Variants in SOX6 observed in about 807,000 individuals in gnomAD.
The protein encoded by SOX6 is SRY-box transcription factor 6.
A neutral mutation model predicts 97.8 loss-of-function variants in SOX6; 11 were observed. The observed-to-expected ratio is 0.11, with a 90% CI of 0.07 to 0.19. The LOEUF is 0.19. SOX6 is among the 10% of genes least tolerant of loss of function. The pLI is 1.00. For missense variants in SOX6, 810 were observed against 1,039.5 expected, an observed-to-expected ratio of 0.78 and a Z score of 3.04; for synonymous variants, 360 against 371.4, an observed-to-expected ratio of 0.97 and a Z score of 0.35.
Position 16,624,218 on chromosome 11 carries a change from T to G in SOX6, n.430-11958A>C, listed in dbSNP as rs139146604. Among the ~76,000 whole-genome samples, 41 of 152,116 alleles carry G rather than the reference T, an allele frequency of 2.7e-4. 1 individual carries two copies. The East Asian group carries it at 7.2e-3, about 27-fold the overall frequency. On this transcript the variant is annotated intron_variant and non_coding_transcript_variant, in intron 3 of 5. Coordinates refer to the SOX6 transcript ENST00000524520. ...TTTATTTATTTATTGAGATGGAGTCTTGCTCTGTTGCCAGGCTGGAGTGCA... is the reference window on the plus strand; with the variant it reads ...TTTATTTATTTATTGAGATGGAGTCGTGCTCTGTTGCCAGGCTGGAGTGCA...
chr11:16,688,613 G>T (rs1346205244), intron 3 of SOX6, among the ~76,000 whole-genome samples: 2 of 152,056 alleles, frequency 1.3e-5, no homozygotes, highest in Non-Finnish European at 2.9e-5. Context: ...CTAACGGTTT[G>T]ATTTGTATCG....
chr11:16,235,494 T>A (rs1393430633), intron 3 of SOX6, among the ~76,000 whole-genome samples: 1 of 152,072 alleles, frequency 6.6e-6, no homozygotes, highest in Non-Finnish European at 1.5e-5. Context: ...TACCACTATT[T>A]ATTTGTATCT....
At chr11:16,624,141 T>C (rs969043882) in intron 3 of SOX6, among the ~76,000 whole-genome samples, 1 of 152,006 alleles carries the variant, frequency 6.6e-6, no homozygotes, top group South Asian at 2.1e-4. Flanking sequence ...TTGAATTTCA[T>C]CCATGCTGTC....
intron 1 of SOX6, among the ~76,000 whole-genome samples, chr11:16,452,298 C>A (rs1001546922): frequency 6.6e-6 from 1 of 151,994 alleles, no homozygotes; most frequent in Non-Finnish European, 1.5e-5. Context: ...GGGGAGGCAG[C>A]CTTTGTTCTT....
chr11:16,401,703 G>C (rs1858563192), intron 1 of SOX6, among the ~76,000 whole-genome samples: 1 of 151,440 alleles, frequency 6.6e-6, no homozygotes, highest in Non-Finnish European at 1.5e-5. Context: ...TTAAGTCTAT[G>C]AGGTATCTAT....
At chr11:16,281,183 C>T (rs968819866) in intron 3 of SOX6, among the ~76,000 whole-genome samples, 6 of 151,958 alleles carry the variant, frequency 3.9e-5, no homozygotes, top group Non-Finnish European at 5.9e-5. Flanking sequence ...AGAATAAACC[C>T]CTTTAAAAAA....
At chr11:16,646,592 A>T (rs1849018593) in intron 3 of SOX6, among the ~76,000 whole-genome samples, 1 of 151,560 alleles carries the variant, frequency 6.6e-6, no homozygotes, top group African/African-American at 2.4e-5. Flanking sequence ...TATACACTGA[A>T]CCCAATTTGT....
chr11:16,319,002 G>T (rs1260114546), intron 2 of SOX6, among the ~76,000 whole-genome samples: 1 of 152,122 alleles, frequency 6.6e-6, no homozygotes, highest in African/African-American at 2.4e-5. Context: ...CAGATTCAAT[G>T]ACTAATTATT....
At chr11:16,132,404 AG>A (rs1232562085) in intron 6 of SOX6, among the ~76,000 whole-genome samples, 2 of 54,040 alleles carry the variant, frequency 3.7e-5, no homozygotes, top group African/African-American at 1.5e-4. Context: ...GAAAGAAAAA[AG>A]AAAGAAAGAA....
At chr11:16,246,461 A>G (rs1853337480) in intron 3 of SOX6, among the ~76,000 whole-genome samples, 1 of 151,554 alleles carries the variant, frequency 6.6e-6, no homozygotes, top group Non-Finnish European at 1.5e-5. Context: ...CTGAACTTTT[A>G]TTTTTCTTTA....
intron 12 of SOX6, among the ~76,000 whole-genome samples, chr11:16,024,378 G>T (rs1423333569): frequency 6.6e-6 from 1 of 151,826 alleles, no homozygotes; most frequent in Non-Finnish European, 1.5e-5. Flanking sequence ...GGTGCTAGTT[G>T]CTTTCCAAAA....
rs1416382988 is a variant in SOX6 at position 16,505,075 on chromosome 11, G to A, written n.610-28687C>T. Among the ~76,000 whole-genome samples, 7 of 152,352 alleles carry A rather than the reference G, an allele frequency of 4.6e-5. No homozygotes were observed. The East Asian group carries it at 7.7e-4, about 17-fold the overall frequency. On this transcript the variant is annotated intron_variant and non_coding_transcript_variant, in intron 4 of 5. Coordinates refer to the SOX6 transcript ENST00000524520. Reference sequence around the variant, plus strand: ...AAAGATACTTGAAAATGTGGAAGCAGCTGCAGAACTGGGGAATGGGCAAAG... The same window carrying A: ...AAAGATACTTGAAAATGTGGAAGCAACTGCAGAACTGGGGAATGGGCAAAG...
intron 3 of SOX6, among the ~76,000 whole-genome samples, chr11:16,253,349 CA>C (rs112725769): frequency 2.0e-5 from 3 of 146,486 alleles, no homozygotes; most frequent in East Asian, 2.0e-4. Flanking sequence ...AATTCCGTGT[CA>C]AAAAAAAAAG....
intron 4 of SOX6, among the ~76,000 whole-genome samples, chr11:16,570,021 A>C (rs79879634): frequency 1.3e-5 from 2 of 152,150 alleles, no homozygotes; most frequent in African/African-American, 2.4e-5. Context: ...AAACATAGCA[A>C]AGACAAAACT....
At chr11:16,473,666 C>A (rs1001704944) in intron 1 of SOX6, among the ~76,000 whole-genome samples, 6 of 151,890 alleles carry the variant, frequency 4.0e-5, no homozygotes, top group African/African-American at 1.5e-4. Flanking sequence ...ATTCTTCTGC[C>A]TCAGCCTCCT....
At chr11:16,280,473 T>C (rs1471652474) in intron 3 of SOX6, among the ~76,000 whole-genome samples, 3 of 151,992 alleles carry the variant, frequency 2.0e-5, no homozygotes, top group Non-Finnish European at 4.4e-5. Flanking sequence ...CATAATATAA[T>C]TGCAAGTTGT....
rs1848319740 is a variant in SOX6 at position 16,605,156 on chromosome 11, C to G, written n.609+6925G>C. 1.3e-5 allele frequency among the ~76,000 whole-genome samples: 2 copies of G among 151,936 alleles called. No homozygotes were observed. Among genetic ancestry groups the G allele is most frequent in the Admixed American group, 6.6e-5 (1 of 15,258 alleles). ...GCCCGGGAGCAGCGGACCGCGGCCC[C>G]GGCTGCAGAGGAACGGCGGGTGGCG... On this transcript the variant is annotated intron_variant and non_coding_transcript_variant, in intron 4 of 5. Coordinates refer to the SOX6 transcript ENST00000524520. The surrounding 1 kb of genome is among the most constrained non-coding windows in gnomAD (Gnocchi z 5.3).
At chr11:16,624,282 G>A (rs1848591968) in intron 3 of SOX6, among the ~76,000 whole-genome samples, 1 of 151,670 alleles carries the variant, frequency 6.6e-6, no homozygotes, top group African/African-American at 2.4e-5. Context: ...CTGCCTTCCG[G>A]GTTTGAACGA....
chr11:16,632,082 T>C (rs931241998), intron 3 of SOX6, among the ~76,000 whole-genome samples: 2 of 152,220 alleles, frequency 1.3e-5, no homozygotes, highest in Non-Finnish European at 2.9e-5. Flanking sequence ...ATTTCTGAGT[T>C]TCCATTTTGG....
Sources: gnomAD v4.1 joint callset for allele counts (sites outside exome capture counted in the v4.1 genomes callset) on GRCh38, gnomAD v4.1.1 for gene constraint, Gnocchi (gnomAD v3.1) non-coding constraint, MANE v1.5 for transcripts, NCBI Gene and HGNC (gene_info 2026-07-23, HGNC 2026-07-21) for gene names.